DPP6: variants seen among roughly 807,000 people sequenced by gnomAD.
DPP6 encodes dipeptidyl peptidase like 6, also known as A-type potassium channel modulatory protein DPP6.
In DPP6, 69 loss-of-function variants were observed where a neutral mutation model predicts 122.6. The ratio of observed to expected loss-of-function variants is 0.56; its 90% CI spans 0.46 to 0.69. The LOEUF (loss-of-function observed/expected upper bound fraction) is 0.69. Among genes scored for constraint, DPP6 ranks in the 30% least tolerant of loss-of-function variants. The pLI, the probability that DPP6 is intolerant of heterozygous loss-of-function variation, is 0.00. For synonymous variants in DPP6, 418 were observed against 433.1 expected, an observed-to-expected ratio of 0.97 and a Z score of 0.43; for missense variants, 928 against 1,116.9, an observed-to-expected ratio of 0.83 and a Z score of 2.41.
At chr7:153,928,395 C>CCTTT (rs1467865041) in intron 1 of DPP6, among the ~76,000 whole-genome samples, 1 of 29,994 alleles carries the variant, frequency 3.3e-5, no homozygotes. Context: ...TCTTTTCTTT[C>CCTTT]ATTTTTTTTT....
intron 1 of DPP6, among the ~76,000 whole-genome samples, chr7:154,357,057 G>A (rs752777223): frequency 6.6e-6 from 1 of 152,082 alleles, no homozygotes; most frequent in Non-Finnish European, 1.5e-5. Context: ...CAACACTATT[G>A]ATAAAATGAA....
intron 21 of DPP6, chr7:154,883,881 A>G (rs1805760124): frequency 8.5e-6 from 1 of 117,362 alleles, no homozygotes; most frequent in Non-Finnish European, 1.7e-5. Flanking sequence ...TCCCACATAC[A>G]TACATGCTCA....
At chr7:154,679,558 A>G (rs3807226) in intron 7 of DPP6, among the ~76,000 whole-genome samples, 50,175 of 151,940 alleles carry the variant, frequency 0.33, 8,560 homozygotes, top group East Asian at 0.53. Flanking sequence ...ACCCAGTCCC[A>G]TGGCTGTAGC....
chr7:154,790,572 C>G (rs950318845), intron 10 of DPP6, among the ~76,000 whole-genome samples: 1 of 152,000 alleles, frequency 6.6e-6, no homozygotes, highest in South Asian at 2.1e-4. Context: ...AAGGGTGCCA[C>G]CAGGCTTTAA....
chr7:154,537,423 T>C (rs991008778), intron 3 of DPP6, among the ~76,000 whole-genome samples: 2 of 152,224 alleles, frequency 1.3e-5, no homozygotes, highest in African/African-American at 2.4e-5. Flanking sequence ...ATGTGAGTTA[T>C]GAGATCTCAT....
At chr7:154,066,153 A>G (rs759934383) in intron 1 of DPP6, among the ~76,000 whole-genome samples, 69 of 150,380 alleles carry the variant, frequency 4.6e-4, no homozygotes, top group East Asian at 1.8e-3. Context: ...TCTGCCTCTC[A>G]GGTTCAAGTG....
chr7:154,683,343 C>T (rs1297698784), intron 7 of DPP6, among the ~76,000 whole-genome samples: 1 of 152,182 alleles, frequency 6.6e-6, no homozygotes, highest in African/African-American at 2.4e-5. Flanking sequence ...ATTGTTTCTG[C>T]CAAAGCTCTG....
At chr7:154,860,477 T>TGGAAA (rs1222321211) in intron 17 of DPP6, among the ~76,000 whole-genome samples, 1 of 151,958 alleles carries the variant, frequency 6.6e-6, no homozygotes, top group Non-Finnish European at 1.5e-5. Context: ...GGGGCCATGG[T>TGGAAA]GGAAAGGATG....
intron 1 of DPP6, among the ~76,000 whole-genome samples, chr7:154,070,855 T>C (rs1468085704): frequency 6.6e-6 from 1 of 152,198 alleles, no homozygotes; most frequent in Admixed American, 6.5e-5. Flanking sequence ...TGAACTGTAT[T>C]ATATAAAGAT....
chr7:154,668,976 T>C (rs1033448855), intron 6 of DPP6, among the ~76,000 whole-genome samples: 4 of 152,160 alleles, frequency 2.6e-5, no homozygotes, highest in Non-Finnish European at 5.9e-5. Flanking sequence ...AAAAATTATC[T>C]TCTAGGAGAA....
intron 1 of DPP6, among the ~76,000 whole-genome samples, chr7:154,074,137 C>CTCTCTATATAGATATCTATATATATA (rs1803373308): frequency 4.6e-5 from 1 of 21,882 alleles, no homozygotes; most frequent in Admixed American, 4.5e-4. Flanking sequence ...CTATATATAT[C>CTCTCTATATAGATATCTATATATATA]TCTCTATATA....
At chr7:154,651,826 G>T (rs1053732548) in intron 6 of DPP6, among the ~76,000 whole-genome samples, 1 of 152,116 alleles carries the variant, frequency 6.6e-6, no homozygotes, top group Admixed American at 6.5e-5. Context: ...TCCAGCTGCG[G>T]TCTGTGCCCC....
intron 16 of DPP6, among the ~76,000 whole-genome samples, chr7:154,847,243 G>A (rs1802014148): frequency 1.3e-5 from 2 of 152,258 alleles, no homozygotes; most frequent in South Asian, 2.1e-4. Context: ...TGTCAAGACC[G>A]TACCAAATAT....
intron 11 of DPP6, 108 bp from the exon 12 acceptor site, chr7:154,795,737 T>C (rs1587165383): frequency 6.7e-7 from 1 of 1,487,194 alleles, no homozygotes; most frequent in Non-Finnish European, 9.0e-7. Flanking sequence ...GCCATGTAGG[T>C]GAAGCCAAAT....
chr7:154,304,888 C>G (rs1806153812), intron 1 of DPP6, among the ~76,000 whole-genome samples: 1 of 152,212 alleles, frequency 6.6e-6, no homozygotes. Context: ...TACGCGCTGT[C>G]TGGCGCGCCC....
chr7:154,804,672 G>A (rs376265509), intron 14 of DPP6, among the ~76,000 whole-genome samples: 15 of 152,194 alleles, frequency 9.9e-5, no homozygotes, highest in South Asian at 8.3e-4. Flanking sequence ...CTCTGGCCAC[G>A]AAGCAGAGGC....
intron 1 of DPP6, among the ~76,000 whole-genome samples, chr7:154,344,311 A>G (rs557041988): frequency 6.6e-6 from 1 of 152,326 alleles, no homozygotes; most frequent in African/African-American, 2.4e-5. Flanking sequence ...GGCGTATGAA[A>G]AGGTGCTAAA....
chr7:153,866,591 C>T, the DPP6 span, among the ~76,000 whole-genome samples: 1 of 152,132 alleles, frequency 6.6e-6, no homozygotes, highest in Non-Finnish European at 1.5e-5. Context: ...TTCTCCCATT[C>T]TGTAGGTTGC....
At chr7:153,980,977 A>G (rs1329794090) in intron 1 of DPP6, among the ~76,000 whole-genome samples, 4 of 152,176 alleles carry the variant, frequency 2.6e-5, no homozygotes, top group African/African-American at 7.2e-5. Context: ...TATGTGGTCA[A>G]TTTTAGAATA....
Sources: gnomAD v4.1 joint callset for allele counts (sites outside exome capture counted in the v4.1 genomes callset) on GRCh38, gnomAD v4.1.1 for gene constraint, MANE v1.5 for transcripts, NCBI Gene and HGNC (gene_info 2026-07-23, HGNC 2026-07-21) for gene names.